The following REC114 variants were observed in gnomAD, a reference collection of about 807,000 sequenced individuals.
REC114 encodes meiotic recombination protein REC114.
In REC114, 27 loss-of-function variants were observed where a neutral mutation model predicts 31.3. That is an observed-to-expected ratio of 0.86 (90% CI 0.64 to 1.19). REC114 has a LOEUF of 1.19. Ranked by LOEUF, REC114 falls within the 50% of genes most tolerant of loss-of-function variation. The probability of loss-of-function intolerance (pLI) is 0.00; values close to 1 mark genes in which losing one functional copy is unlikely to be tolerated. For synonymous variants in REC114, 134 were observed against 127.7 expected (o/e 1.05, Z -0.33); for missense variants, 344 against 326.9 (o/e 1.05, Z -0.40).
At chr15:73,491,777 G>C (rs913416980) in intron 2 of REC114, among the ~76,000 whole-genome samples, 3 of 152,130 alleles carry the variant, frequency 2.0e-5, no homozygotes, top group African/African-American at 7.2e-5. Context: ...GCACATGCCT[G>C]TAAGCCCAGC....
At chr15:73,540,590 A>G (rs749581386) in intron 3 of REC114, 22 bp downstream of exon 3, 1 of 1,589,370 alleles carries the variant, frequency 6.3e-7, no homozygotes, top group South Asian at 1.1e-5. Flanking sequence ...GCTAATGATC[A>G]CACTCTTCTC....
intron 5 of REC114, among the ~76,000 whole-genome samples, chr15:73,558,734 T>G (rs1894516084): frequency 6.6e-6 from 1 of 152,256 alleles, no homozygotes; most frequent in African/African-American, 2.4e-5. Context: ...GGACAGCCAC[T>G]ATAGATGACA....
intron 2 of REC114, among the ~76,000 whole-genome samples, chr15:73,494,759 C>A (rs1893495373): frequency 6.6e-6 from 1 of 152,102 alleles, no homozygotes; most frequent in East Asian, 1.9e-4. Flanking sequence ...GTAAATAATT[C>A]ACTTTCTATA....
rs561662316 is a variant in REC114, at chr15:73,555,736, CTG to C, written c.547-564_547-563del. Reference sequence around the variant, plus strand: ...ATAAACAGTTGTTGAAAGAAGATATCTGTAAGTTTTACTTACAGAAGAACTGA... The same window carrying C: ...ATAAACAGTTGTTGAAAGAAGATATCTAAGTTTTACTTACAGAAGAACTGA... On this transcript the variant is annotated intron_variant, in intron 4 of 5. Coordinates refer to ENST00000331090, the MANE Select transcript of REC114 (RefSeq NM_001042367.2). 3.3e-3 allele frequency among the ~76,000 whole-genome samples: 500 copies of C among 152,272 alleles called. 3 individuals carry two copies. The South Asian group carries it at 0.035, about 11-fold the overall frequency.
rs767925592 is a variant in REC114, at chr15:73,540,514, C to T, written c.279C>T (p.Asp93=). The stretch of plus-strand genomic sequence containing the variant: ...GGTTTTCACTCATTGGTAGCAAGGA[C>T]TGGTTGAAGATTGTAAGACGCGTGG... ...LEGFSLIGSK[D]WLKIVRRVDC... The change falls in exon 3 of 6, where the codon GAC becomes GAT. Residue 93 remains aspartate (D), a synonymous_variant. Transcript: ENST00000331090. The T allele has an allele frequency of 3.7e-6, 6 of 1,613,724 alleles. No homozygotes were observed. Among genetic ancestry groups the T allele is most frequent in the Non-Finnish European group, 5.1e-6 (6 of 1,179,832 alleles).
intron 2 of REC114, among the ~76,000 whole-genome samples, chr15:73,495,455 C>T (rs1893507143): frequency 6.6e-6 from 1 of 150,608 alleles, no homozygotes; most frequent in Non-Finnish European, 1.5e-5. Flanking sequence ...AGTGTCGTAA[C>T]CCAAAACAAA....
chr15:73,447,197 CAT>C, intron 1 of REC114, among the ~76,000 whole-genome samples: 1 of 152,140 alleles, frequency 6.6e-6, no homozygotes, highest in East Asian at 1.9e-4. Context: ...TATTGAATTT[CAT>C]AAGATTGTGA....
intron 2 of REC114, among the ~76,000 whole-genome samples, chr15:73,506,447 GT>G (rs1366510093): frequency 1.3e-5 from 2 of 152,190 alleles, no homozygotes; most frequent in Non-Finnish European, 2.9e-5. Context: ...AAAATTGAAA[GT>G]TTAAAGAGAT....
chr15:73,547,001 G>A (rs942007513), intron 3 of REC114, among the ~76,000 whole-genome samples: 2 of 151,960 alleles, frequency 1.3e-5, no homozygotes, highest in Non-Finnish European at 2.9e-5. Flanking sequence ...ATGTTGATCT[G>A]GGCAAAAATT....
At chr15:73,474,824 T>G (rs1389384181) in intron 2 of REC114, among the ~76,000 whole-genome samples, 2 of 152,210 alleles carry the variant, frequency 1.3e-5, no homozygotes, top group African/African-American at 4.8e-5. Flanking sequence ...TGTTCTATCA[T>G]AATATGGTAG....
At chr15:73,481,112 C>T (rs552942623) in intron 2 of REC114, among the ~76,000 whole-genome samples, 30 of 152,270 alleles carry the variant, frequency 2.0e-4, no homozygotes, top group African/African-American at 6.7e-4. Context: ...GAAGCTGCAT[C>T]CATAAAACCC....
At chr15:73,493,521 T>TTA (rs1478923356) in intron 2 of REC114, among the ~76,000 whole-genome samples, 1 of 152,194 alleles carries the variant, frequency 6.6e-6, no homozygotes, top group Non-Finnish European at 1.5e-5. Context: ...TTTTTTCTTC[T>TTA]TTTTATTTTA....
intron 2 of REC114, among the ~76,000 whole-genome samples, chr15:73,515,015 C>T (rs1440594706): frequency 1.3e-5 from 2 of 150,392 alleles, no homozygotes; most frequent in Non-Finnish European, 2.9e-5. Context: ...TCATGGCTTA[C>T]TGCAGCCTCA....
intron 2 of REC114, among the ~76,000 whole-genome samples, chr15:73,521,479 A>T (rs1893934931): frequency 6.6e-6 from 1 of 152,196 alleles, no homozygotes; most frequent in South Asian, 2.1e-4. Flanking sequence ...AGGAAAATAG[A>T]AGAAATAAAG....
chr15:73,556,641 C>T (rs1055318701), intron 5 of REC114, among the ~76,000 whole-genome samples: 17 of 152,136 alleles, frequency 1.1e-4, no homozygotes, highest in Middle Eastern at 3.4e-3. Context: ...GGAAATAAAA[C>T]GGGGAAAAGT....
chr15:73,491,859 C>T (rs1056089020), intron 2 of REC114, among the ~76,000 whole-genome samples: 19 of 151,820 alleles, frequency 1.3e-4, no homozygotes, highest in South Asian at 4.2e-4. Flanking sequence ...GAGATCATGC[C>T]GCTACACTCC....
intron 3 of REC114, among the ~76,000 whole-genome samples, chr15:73,542,146 C>T (rs1057111766): frequency 1.3e-5 from 2 of 151,614 alleles, no homozygotes; most frequent in African/African-American, 2.4e-5. Context: ...GCCTGGACAA[C>T]GTGATGAAAC....
intron 2 of REC114, among the ~76,000 whole-genome samples, chr15:73,533,768 A>ATTTT (rs2141326247): frequency 6.8e-6 from 1 of 146,012 alleles, no homozygotes; most frequent in South Asian, 2.3e-4. Context: ...CTATTACAAA[A>ATTTT]TTGACCACAT....
chr15:73,497,769 T>C (rs188166342), intron 2 of REC114, among the ~76,000 whole-genome samples: 1 of 152,296 alleles, frequency 6.6e-6, no homozygotes, highest in East Asian at 1.9e-4. Flanking sequence ...TTAATTCTTT[T>C]AGAGTGTCCA....
Sources: allele counts gnomAD v4.1 joint callset (sites outside exome capture counted in the v4.1 genomes callset), GRCh38; gene constraint gnomAD v4.1.1; transcripts MANE v1.5; gene names NCBI Gene and HGNC (gene_info 2026-07-23, HGNC 2026-07-21).